Variants in MUSK observed in about 807,000 individuals in gnomAD.
MUSK encodes the protein muscle associated receptor tyrosine kinase.
Under a neutral mutation model 88.7 loss-of-function variants are expected in MUSK, and 55 were observed. That is an observed-to-expected ratio of 0.62 (90% CI 0.50 to 0.78). MUSK has a LOEUF of 0.78. Ranked by LOEUF, MUSK falls within the 30% of genes least tolerant of loss-of-function variation. The pLI is 0.00. For synonymous variants in MUSK, 387 were observed against 391.9 expected (o/e 0.99, Z 0.15); for missense variants, 1,015 against 1,074.3 (o/e 0.94, Z 0.77).
intron 6 of MUSK, among the ~76,000 whole-genome samples, chr9:110,747,436 A>G (rs1246071134): frequency 2.6e-5 from 4 of 152,216 alleles, no homozygotes; most frequent in African/African-American, 7.2e-5. Context: ...GATTCAAATT[A>G]TGGAGGAAAA....
Position 110,800,386 on chromosome 9 carries a change from A to C in MUSK, c.2008A>C (p.Met670Leu). The change falls in exon 15 of 15, where the codon ATG (methionine) becomes CTG (leucine). Residue 670 changes from methionine (M) to leucine (L), a missense_variant. Met to Leu is a conservative substitution (Grantham distance 15, BLOSUM62 2). Transcript: ENST00000374448. ...YGDLNEFLRSMSPHTVCSLSH... is the reference protein window; with the variant it reads ...YGDLNEFLRSLSPHTVCSLSH... ...TGACCTCAATGAGTTCCTCCGCAGC[A>C]TGTCCCCTCACACCGTGTGCAGCCT... 1 of 1,613,864 alleles carries C rather than the reference A, an allele frequency of 6.2e-7. No homozygotes were observed. Among genetic ancestry groups the C allele is most frequent in the Non-Finnish European group, 8.5e-7 (1 of 1,179,862 alleles).
chr9:110,737,630 T>G (rs2131848507), intron 6 of MUSK, among the ~76,000 whole-genome samples: 1 of 152,224 alleles, frequency 6.6e-6, no homozygotes, highest in African/African-American at 2.4e-5. Context: ...GTTTACATAG[T>G]TTCCTTTGAT....
At chr9:110,779,709 G>C (rs547075354) in intron 11 of MUSK, among the ~76,000 whole-genome samples, 39 of 151,956 alleles carry the variant, frequency 2.6e-4, no homozygotes, top group Non-Finnish European at 4.4e-4. Context: ...GACATTAATA[G>C]CCCTTCTATA....
At position 110,772,724 on chromosome 9, in the gene MUSK, C is replaced by T. The variant is rs146525430; in HGVS notation, c.1185-3064C>T. The stretch of plus-strand genomic sequence containing the variant: ...GTCAAAATTTTCACAATTGTGTTTC[C>T]AAGAATGTTTTCTTGCAATTCTGAC... On this transcript the variant is annotated intron_variant, in intron 9 of 14. Transcript: ENST00000374448. Among the ~76,000 whole-genome samples the T allele has an allele frequency of 2.9e-4, 44 of 151,900 alleles. No individual in the cohort carries two copies. In the East Asian group the frequency reaches 8.3e-3, roughly 29 times the overall value.
intron 8 of MUSK, among the ~76,000 whole-genome samples, chr9:110,763,250 C>T (rs1284796905): frequency 3.3e-5 from 5 of 151,842 alleles, no homozygotes; most frequent in Non-Finnish European, 5.9e-5. Context: ...AGTGATTTGT[C>T]ATAATTGACT....
At chr9:110,714,947 G>A (rs1564240321) in intron 5 of MUSK, among the ~76,000 whole-genome samples, 2 of 137,528 alleles carry the variant, frequency 1.5e-5, no homozygotes, top group East Asian at 2.0e-4. Context: ...TAACAGGGTC[G>A]AAAGAATTTC....
intron 5 of MUSK, among the ~76,000 whole-genome samples, chr9:110,704,027 T>C (rs2076564255): frequency 6.6e-6 from 1 of 152,182 alleles, no homozygotes; most frequent in Non-Finnish European, 1.5e-5. Context: ...AGGATAACAA[T>C]AGAGTGTGGG....
intron 14 of MUSK, 129 bp from the exon 15 acceptor site, chr9:110,800,177 C>G: frequency 1.2e-6 from 1 of 832,096 alleles, no homozygotes; most frequent in Non-Finnish European, 1.9e-6. Flanking sequence ...TATTAAAAAA[C>G]AAACATACGA....
intron 1 of MUSK, among the ~76,000 whole-genome samples, chr9:110,674,674 T>TCACA (rs2076002398): frequency 6.6e-6 from 1 of 152,100 alleles, no homozygotes; most frequent in African/African-American, 2.4e-5. Context: ...AGAGGTGCAA[T>TCACA]CACAGCTCAC....
At chr9:110,797,666 T>G (rs1340497026) in intron 14 of MUSK, among the ~76,000 whole-genome samples, 1 of 152,218 alleles carries the variant, frequency 6.6e-6, no homozygotes, top group Non-Finnish European at 1.5e-5. Flanking sequence ...CAATTCATCT[T>G]GAAAACACTT....
chr9:110,726,644 A>C (rs2076887735), intron 5 of MUSK, among the ~76,000 whole-genome samples: 1 of 152,084 alleles, frequency 6.6e-6, no homozygotes, highest in South Asian at 2.1e-4. Context: ...ACAGTTGCAG[A>C]ATAAAGACAC....
At chr9:110,676,707 T>C (rs1465685741) in intron 1 of MUSK, among the ~76,000 whole-genome samples, 1 of 151,592 alleles carries the variant, frequency 6.6e-6, no homozygotes, top group Non-Finnish European at 1.5e-5. Flanking sequence ...GCTCTATCCA[T>C]GTCCCTGCAA....
intron 14 of MUSK, among the ~76,000 whole-genome samples, chr9:110,800,060 C>T (rs971881882): frequency 2.6e-5 from 4 of 152,166 alleles, no homozygotes; most frequent in African/African-American, 4.8e-5. Context: ...GACAACAGCG[C>T]TCTGCTGGAA....
At position 110,687,104 on chromosome 9, in the gene MUSK, C is replaced by T; in HGVS notation, c.207-13C>T. On this transcript the variant is annotated splice_polypyrimidine_tract_variant and intron_variant, in intron 2 of 14. Transcript: ENST00000374448. ...GGAAGCACTAATCTGTCATTTTTTT[C>T]TGTGACCTGCAGACTCTTTGACACC... The T allele has an allele frequency of 2.5e-6, 4 of 1,598,814 alleles. No homozygotes were observed. Among genetic ancestry groups the T allele is most frequent in the East Asian group, 2.2e-5 (1 of 44,606 alleles).
At chr9:110,775,638 T>C in intron 9 of MUSK, 150 bp from the exon 10 acceptor site, 1 of 692,998 alleles carries the variant, frequency 1.4e-6, no homozygotes, top group East Asian at 2.7e-5. Flanking sequence ...TCTCATATTA[T>C]TTACAGTAAA....
At chr9:110,700,403 T>C (rs1354687635) in intron 5 of MUSK, among the ~76,000 whole-genome samples, 1 of 152,106 alleles carries the variant, frequency 6.6e-6, no homozygotes, top group Non-Finnish European at 1.5e-5. Context: ...GAGATAGTCC[T>C]GTGTGACATT....
chr9:110,687,011 C>A, intron 2 of MUSK, 106 bp from the exon 3 acceptor site: 1 of 1,123,912 alleles, frequency 8.9e-7, no homozygotes. Flanking sequence ...TTTCCTCTCA[C>A]CTTTATTCTA....
chr9:110,775,682 C>A (rs955911304), intron 9 of MUSK, 106 bp from the exon 10 acceptor site: 3 of 1,082,218 alleles, frequency 2.8e-6, no homozygotes, highest in Admixed American at 3.9e-5. Flanking sequence ...TTTTCAAGAA[C>A]AATTTACCAT....
At chr9:110,706,780 G>A (rs1282336565) in intron 5 of MUSK, among the ~76,000 whole-genome samples, 1 of 152,166 alleles carries the variant, frequency 6.6e-6, no homozygotes, top group Middle Eastern at 3.2e-3. Context: ...GAGGCAGGCG[G>A]ATCACTTGAG....
Sources: gnomAD v4.1 joint callset for allele counts (sites outside exome capture counted in the v4.1 genomes callset) on GRCh38, gnomAD v4.1.1 for gene constraint, MANE v1.5 for transcripts, NCBI Gene and HGNC (gene_info 2026-07-23, HGNC 2026-07-21) for gene names.